Variants in MARCHF1 observed in about 807,000 individuals in gnomAD.
The protein encoded by MARCHF1 is membrane associated ring-CH-type finger 1.
MARCHF1 carries 40 observed loss-of-function variants against 54.2 expected under a neutral mutation model. That is an observed-to-expected ratio of 0.74 (90% confidence interval 0.57 to 0.96). MARCHF1 has a LOEUF of 0.96. Ranked by LOEUF, MARCHF1 falls within the 40% of genes least tolerant of loss-of-function variation. The pLI is 0.00. For synonymous variants in MARCHF1, 236 were observed against 236.3 expected (o/e 1.00, Z 0.01); for missense variants, 586 against 656.5 (o/e 0.89, Z 1.17).
rs190197698 is a variant in MARCHF1 at position 163,722,987 on chromosome 4, G to C, written c.112-22124C>G. Among the ~76,000 whole-genome samples, 687 of 152,268 alleles carry C rather than the reference G, an allele frequency of 4.5e-3. 1 individual carries two copies. The highest frequency in any genetic ancestry group is 7.8e-3 in the Non-Finnish European group (530 of 68,026). On this transcript the variant is annotated intron_variant, in intron 4 of 9. Coordinates refer to ENST00000514618, the MANE Select transcript of MARCHF1 (RefSeq NM_001394959.1). ...TCTTGACTCTTTATCCAATTTGCCA[G>C]TCTGTGTCTTTTAAGTGGAGCATTT...
intron 4 of MARCHF1, among the ~76,000 whole-genome samples, chr4:163,741,867 T>G (rs1370684652): frequency 2.6e-5 from 4 of 152,200 alleles, no homozygotes; most frequent in Non-Finnish European, 5.9e-5. Flanking sequence ...TTATTTCTAA[T>G]TATTTCTAAC....
chr4:163,592,611 G>A (rs1579092519), intron 7 of MARCHF1, among the ~76,000 whole-genome samples: 1 of 152,014 alleles, frequency 6.6e-6, no homozygotes, highest in South Asian at 2.1e-4. Flanking sequence ...AAGCAGAGGA[G>A]GCCAAGTCTT....
chr4:164,240,874 G>C (rs1732722100), intron 1 of MARCHF1, among the ~76,000 whole-genome samples: 1 of 152,126 alleles, frequency 6.6e-6, no homozygotes, highest in East Asian at 1.9e-4. Context: ...AAAGCCACAG[G>C]GTTAGAATTA....
intron 1 of MARCHF1, among the ~76,000 whole-genome samples, chr4:164,170,929 G>A (rs549055202): frequency 2.0e-5 from 3 of 152,010 alleles, no homozygotes; most frequent in African/African-American, 7.2e-5. Flanking sequence ...TAATTATGAC[G>A]GCTCCTATGT....
intron 2 of MARCHF1, among the ~76,000 whole-genome samples, chr4:164,093,143 T>C (rs1349323808): frequency 6.6e-6 from 1 of 152,192 alleles, no homozygotes; most frequent in African/African-American, 2.4e-5. Flanking sequence ...TATATTAACT[T>C]ACTTTTTCCT....
chr4:164,019,038 C>A lies in MARCHF1; in HGVS notation c.-247-30329G>T, dbSNP rs531264306. ...TCTTCTATTCTGCTCAGCTCTGTATCCTGGGGCTGATTAACATAGACTACA... is the reference window on the plus strand; with the variant it reads ...TCTTCTATTCTGCTCAGCTCTGTATACTGGGGCTGATTAACATAGACTACA... On this transcript the variant is annotated intron_variant, in intron 2 of 9. Coordinates refer to ENST00000514618, the MANE Select transcript of MARCHF1 (RefSeq NM_001394959.1). Among the ~76,000 whole-genome samples the A allele has an allele frequency of 7.2e-5, 11 of 152,282 alleles. No homozygotes were observed. In the South Asian group the frequency reaches 2.3e-3, roughly 32 times the overall value.
intron 1 of MARCHF1, among the ~76,000 whole-genome samples, chr4:164,209,350 G>C (rs532285912): frequency 6.6e-6 from 1 of 152,184 alleles, no homozygotes; most frequent in Admixed American, 6.5e-5. Context: ...ATCCAACTTT[G>C]GGAGGAGCAT....
At chr4:163,859,301 C>G (rs763988528) in intron 3 of MARCHF1, among the ~76,000 whole-genome samples, 2 of 151,730 alleles carry the variant, frequency 1.3e-5, no homozygotes, top group Non-Finnish European at 2.9e-5. Context: ...AATGAAGAAA[C>G]GGCACAATAC....
At chr4:164,338,069 T>TA (rs1238714953) in intron 1 of MARCHF1, among the ~76,000 whole-genome samples, 2 of 152,180 alleles carry the variant, frequency 1.3e-5, no homozygotes, top group African/African-American at 4.8e-5. Context: ...AATAATTTGT[T>TA]AAAAAATTCA....
chr4:163,807,146 T>C (rs1057199792), intron 4 of MARCHF1, among the ~76,000 whole-genome samples: 1 of 152,180 alleles, frequency 6.6e-6, no homozygotes, highest in Admixed American at 6.5e-5. Context: ...GTAAAATGCT[T>C]ATAAAATTGG....
intron 4 of MARCHF1, among the ~76,000 whole-genome samples, chr4:163,803,883 A>T (rs1748153344): frequency 6.6e-6 from 1 of 152,226 alleles, no homozygotes; most frequent in Non-Finnish European, 1.5e-5. Flanking sequence ...TCACTTGTAA[A>T]CCAAGCACTG....
At chr4:164,147,005 T>C (rs954870130) in intron 1 of MARCHF1, among the ~76,000 whole-genome samples, 1 of 151,420 alleles carries the variant, frequency 6.6e-6, no homozygotes, top group Non-Finnish European at 1.5e-5. Context: ...CCTCAAAAAG[T>C]GGGCAAAGGA....
intron 1 of MARCHF1, among the ~76,000 whole-genome samples, chr4:164,278,264 C>G (rs78272598): frequency 6.6e-6 from 1 of 152,078 alleles, no homozygotes; most frequent in Non-Finnish European, 1.5e-5. Flanking sequence ...GAGCTGTGAT[C>G]GCACCACTGC....
Position 163,719,334 on chromosome 4 carries a change from T to C in MARCHF1, c.112-18471A>G, listed in dbSNP as rs565541047. 2.8e-4 allele frequency among the ~76,000 whole-genome samples: 42 copies of C among 152,274 alleles called. 1 individual carries two copies. The South Asian group carries it at 8.3e-3, about 30-fold the overall frequency. Reference sequence around the variant, plus strand: ...CTGAGACTGATGGTTTCTAGCTTCATCCATGTCCCTACAAAGGACATGAAC... The same window carrying C: ...CTGAGACTGATGGTTTCTAGCTTCACCCATGTCCCTACAAAGGACATGAAC... On this transcript the variant is annotated intron_variant, in intron 4 of 9. Transcript: ENST00000514618.
At chr4:163,894,477 T>C (rs1750731452) in intron 3 of MARCHF1, among the ~76,000 whole-genome samples, 1 of 151,338 alleles carries the variant, frequency 6.6e-6, no homozygotes, top group Non-Finnish European at 1.5e-5. Context: ...TGCCAGCCTC[T>C]GTAAGAATAA....
intron 2 of MARCHF1, among the ~76,000 whole-genome samples, chr4:164,017,879 T>C (rs564796685): frequency 1.4e-5 from 2 of 146,382 alleles, no homozygotes; most frequent in South Asian, 4.3e-4. Context: ...TTGAGGAACA[T>C]GCATTATCAG....
At chr4:164,008,037 G>T (rs1423627983) in intron 2 of MARCHF1, among the ~76,000 whole-genome samples, 3 of 151,922 alleles carry the variant, frequency 2.0e-5, no homozygotes, top group Non-Finnish European at 4.4e-5. Flanking sequence ...GGCATATAGT[G>T]GCTGAACGAA....
chr4:163,835,930 T>C (rs79729483), intron 4 of MARCHF1, among the ~76,000 whole-genome samples: 4,563 of 152,234 alleles, frequency 0.03, 81 homozygotes, highest in East Asian at 0.071. Flanking sequence ...TTGCTTGAAA[T>C]GTCTTCATCT....
intron 1 of MARCHF1, among the ~76,000 whole-genome samples, chr4:164,158,964 G>C (rs559350961): frequency 3.3e-5 from 5 of 152,276 alleles, no homozygotes; most frequent in African/African-American, 1.2e-4. Flanking sequence ...GGTACATGTA[G>C]ATTTCTGGAA....
Sources: gnomAD v4.1 joint callset for allele counts (sites outside exome capture counted in the v4.1 genomes callset) on GRCh38, gnomAD v4.1.1 for gene constraint, MANE v1.5 for transcripts, NCBI Gene and HGNC (gene_info 2026-07-23, HGNC 2026-07-21) for gene names.